The following ZNF317 variants were observed in gnomAD, a reference collection of about 807,000 sequenced individuals.
The protein encoded by ZNF317 is zinc finger protein 317, also known as KRAB-containing zinc finger protein 317.
A neutral mutation model predicts 23.4 loss-of-function variants in ZNF317; 17 were observed. That is an observed-to-expected ratio of 0.73 (90% CI 0.50 to 1.09). ZNF317 has a LOEUF of 1.09. Ranked by LOEUF, ZNF317 falls within the 50% of genes least tolerant of loss-of-function variation. The pLI is 0.00. For synonymous variants in ZNF317, 317 were observed against 314.9 expected, an observed-to-expected ratio of 1.01 and a Z score of -0.07; for missense variants, 679 against 796.7, an observed-to-expected ratio of 0.85 and a Z score of 1.78.
chr19:9,157,005 A>G (rs2050791074), intron 3 of ZNF317: 1 of 642,544 alleles, frequency 1.6e-6, no homozygotes, highest in East Asian at 2.8e-5. Context: ...AATAAAGGGC[A>G]AAGCTCTCGG....
At chr19:9,151,182 C>T (rs2050732923) in intron 1 of ZNF317, among the ~76,000 whole-genome samples, 1 of 152,164 alleles carries the variant, frequency 6.6e-6, no homozygotes, top group Admixed American at 6.5e-5. Context: ...CTCTCCCCTT[C>T]CTCAGCAGTG....
rs1053841649 is a variant in ZNF317, at chr19:9,162,150, T to C, written c.*717T>C. 6.6e-6 allele frequency: 1 copy of C among 152,024 alleles called. No homozygotes were observed. The highest frequency in any genetic ancestry group is 1.5e-5 in the Non-Finnish European group (1 of 68,010). 9.4% of individuals were successfully genotyped at this position (152,024 alleles called of 1,614,324 possible). On this transcript the variant is annotated 3_prime_UTR_variant, in exon 7 of 7. Transcript: ENST00000247956. ...GACGATTTGGCTGTCTAGGCGTCAT[T>C]TGGCAATGTCTAGAGACATTTTTGG...
At chr19:9,158,327 A>T (rs1437936441) in intron 5 of ZNF317, among the ~76,000 whole-genome samples, 1 of 134,744 alleles carries the variant, frequency 7.4e-6, no homozygotes. Flanking sequence ...TTCTGTCATT[A>T]TCAACATCAT....
At chr19:9,154,140 A>G (rs1254668723) in intron 1 of ZNF317, among the ~76,000 whole-genome samples, 1 of 138,992 alleles carries the variant, frequency 7.2e-6, no homozygotes, top group Non-Finnish European at 1.6e-5. Context: ...TCTCTTTGTC[A>G]TAGAAGGAAA....
intron 1 of ZNF317, among the ~76,000 whole-genome samples, chr19:9,147,342 T>TTTGTTTTG (rs1555713181): frequency 2.8e-4 from 30 of 106,146 alleles, no homozygotes; most frequent in African/African-American, 9.9e-4. Context: ...TTTTTTTTTT[T>TTTGTTTTG]TTTTTTTTTT....
intron 1 of ZNF317, among the ~76,000 whole-genome samples, chr19:9,153,394 C>T (rs1276126151): frequency 2.0e-5 from 3 of 152,202 alleles, no homozygotes; most frequent in Admixed American, 1.3e-4. Context: ...AACTCTCGAC[C>T]TCAGGTGATC....
chr19:9,153,043 CTT>C (rs770955236), intron 1 of ZNF317, among the ~76,000 whole-genome samples: 2 of 152,142 alleles, frequency 1.3e-5, no homozygotes, highest in East Asian at 3.8e-4. Flanking sequence ...AAAGAACCAA[CTT>C]TTGTTTTCAT....
In ZNF317 at chr19:9,160,920, G is replaced by A. The variant is rs534702883; in HGVS notation, c.1275G>A (p.Lys425=). The change falls in exon 7 of 7, where the codon AAG becomes AAA. Residue 425 remains lysine, a synonymous_variant. Transcript: ENST00000247956. This position sits in a 1 kb window ranked among gnomAD's most constrained non-coding sequence, Gnocchi z 6.8. ...KKPVECRQCG[K]TFRNQSILKT... ...CCGTGGAATGTCGGCAGTGCGGGAA[G>A]ACCTTCCGAAACCAGTCCATCCTTA... The A allele has an allele frequency of 1.2e-6, 2 of 1,614,174 alleles. No individual in the cohort carries two copies. The highest frequency in any genetic ancestry group is 2.7e-5 in the African/African-American group (2 of 75,054).
In ZNF317 at chr19:9,157,586, G is replaced by A. The variant is rs558993533; in HGVS notation, c.289+192G>A. ...TTGCAGGGACCATGGTGGTTCTCCG[G>A]TGTGTGTCTGAGCTTGGCATGGGCT... On this transcript the variant is annotated intron_variant, in intron 4 of 6. Transcript: ENST00000247956. 21 of 701,438 alleles carry A rather than the reference G, an allele frequency of 3.0e-5. No homozygotes were observed. In the South Asian group the frequency reaches 3.0e-4, roughly 10 times the overall value. 43.5% of individuals were successfully genotyped at this position (701,438 alleles called of 1,614,324 possible). A position where few individuals can be genotyped will look rare whatever the true frequency, so the allele number is the denominator to read the frequency against.
chr19:9,147,979 G>A (rs2050702716), intron 1 of ZNF317, among the ~76,000 whole-genome samples: 1 of 152,074 alleles, frequency 6.6e-6, no homozygotes, highest in East Asian at 1.9e-4. Flanking sequence ...TGGCGGGTGA[G>A]TTCTCCTGAG....
At chr19:9,153,995 C>T (rs926686568) in intron 1 of ZNF317, among the ~76,000 whole-genome samples, 2 of 152,052 alleles carry the variant, frequency 1.3e-5, no homozygotes, top group Non-Finnish European at 2.9e-5. Context: ...AGCATGTGTC[C>T]ATGCATAGGA....
At chr19:9,155,286 A>T (rs1380541398) in intron 1 of ZNF317, among the ~76,000 whole-genome samples, 3 of 151,998 alleles carry the variant, frequency 2.0e-5, no homozygotes, top group African/African-American at 7.2e-5. Flanking sequence ...TTCTCTATGA[A>T]TTTTTAAGTT....
Position 9,162,498 on chromosome 19 carries a change from G to A in ZNF317, c.*1065G>A, listed in dbSNP as rs2050869981. The A allele has an allele frequency of 6.6e-6, 1 of 151,426 alleles. No homozygotes were observed. The highest frequency in any genetic ancestry group is 6.6e-5 in the Admixed American group (1 of 15,186). The allele number at this position is 151,426 out of a possible 1,614,324, so 9.4% of individuals were successfully genotyped here. A position where few individuals can be genotyped will look rare whatever the true frequency, so the allele number is the denominator to read the frequency against. ...CACTTGAGCATGTGAATATTCTCAC[G>A]GAGAGAAGCCCCAGCGAGATTTTCC... is the stretch of plus-strand genomic sequence containing the variant. On this transcript the variant is annotated 3_prime_UTR_variant, in exon 7 of 7. Coordinates refer to ENST00000247956, the MANE Select transcript of ZNF317 (RefSeq NM_020933.5).
rs115662507 is a variant in ZNF317, at chr19:9,154,157, G to T, written c.-92-1768G>T. ...TCTTTGTCATAGAAGGAAAGGAGGA[G>T]GTCATAGATCAGTTGTGAGAAGACT... On this transcript the variant is annotated intron_variant, in intron 1 of 6. Coordinates refer to ENST00000247956, the MANE Select transcript of ZNF317 (RefSeq NM_020933.5). Among the ~76,000 whole-genome samples, 942 of 152,156 alleles carry T rather than the reference G, an allele frequency of 6.2e-3. 11 individuals are homozygous for T. The highest frequency in any genetic ancestry group is 0.022 in the African/African-American group (906 of 41,514).
At chr19:9,144,588 CAT>C (rs879942984) in intron 1 of ZNF317, among the ~76,000 whole-genome samples, 14 of 152,156 alleles carry the variant, frequency 9.2e-5, no homozygotes, top group Non-Finnish European at 1.8e-4. Flanking sequence ...TCTAGATTTG[CAT>C]ATGTTACTCT....
rs1380460518 is a variant in ZNF317, at chr19:9,161,328, T to C, written c.1683T>C (p.Leu561=). 1.2e-6 allele frequency: 2 copies of C among 1,613,916 alleles called. No individual in the cohort carries two copies. The change falls in exon 7 of 7, where the codon CTT becomes CTC. Residue 561 remains leucine (L), a synonymous_variant. Coordinates refer to ENST00000247956, the MANE Select transcript of ZNF317 (RefSeq NM_020933.5). The surrounding 1 kb of genome is among the most constrained non-coding windows in gnomAD (Gnocchi z 4.0). ...CCGGGGAGAAGCCCTACGAATGCCT[T>C]GTCTGCGGGAAAGCCTTCAGCGACC... ...IHTGEKPYEC[L]VCGKAFSDHS... is the part of the protein sequence containing the mutation.
Position 9,160,921 on chromosome 19 carries a change from A to G in ZNF317, c.1276A>G (p.Thr426Ala). Reference sequence around the variant, plus strand: ...CGTGGAATGTCGGCAGTGCGGGAAGACCTTCCGAAACCAGTCCATCCTTAA... The same window carrying G: ...CGTGGAATGTCGGCAGTGCGGGAAGGCCTTCCGAAACCAGTCCATCCTTAA... ...KPVECRQCGK[T>A]FRNQSILKTH... is the part of the protein sequence containing the mutation. Residue 426 changes from threonine (T) to alanine (A), a missense_variant, in exon 7 of 7, where the codon ACC becomes GCC. Physicochemically the swap from Thr to Ala is moderately conservative, Grantham distance 58 (BLOSUM62 0). Transcript: ENST00000247956. The surrounding 1 kb of genome is among the most constrained non-coding windows in gnomAD (Gnocchi z 6.8). 2 of 1,614,124 alleles carry G rather than the reference A, an allele frequency of 1.2e-6. No homozygotes were observed. The highest frequency in any genetic ancestry group is 1.7e-6 in the Non-Finnish European group (2 of 1,180,020).
chr19:9,141,116 G>A (rs995084514), intron 1 of ZNF317, among the ~76,000 whole-genome samples: 8 of 151,958 alleles, frequency 5.3e-5, no homozygotes, highest in Non-Finnish European at 1.2e-4. Flanking sequence ...TTACTATTCA[G>A]TTCAACATTT....
At position 9,156,726 on chromosome 19, in the gene ZNF317, A is replaced by C; in HGVS notation, c.140A>C (p.His47Pro). 1.2e-6 allele frequency: 2 copies of C among 1,613,972 alleles called. No individual in the cohort carries two copies. Among genetic ancestry groups the C allele is most frequent in the South Asian group, 2.2e-5 (2 of 91,060 alleles). The change falls in exon 3 of 7, where the codon CAC becomes CCC. Residue 47 changes from histidine to proline, a missense_variant. Coordinates refer to ENST00000247956, the MANE Select transcript of ZNF317 (RefSeq NM_020933.5). ...TTCGTGTGCAGTGGTCTGGAGCCTCACACACCCAGTGTTGGTTCCCAGGTG... is the reference window on the plus strand; with the variant it reads ...TTCGTGTGCAGTGGTCTGGAGCCTCCCACACCCAGTGTTGGTTCCCAGGTG... ...DLFVCSGLEPHTPSVGSQESV... is the reference protein window; with the variant it reads ...DLFVCSGLEPPTPSVGSQESV...
Sources: allele counts gnomAD v4.1 joint callset (sites outside exome capture counted in the v4.1 genomes callset), GRCh38; gene constraint gnomAD v4.1.1; non-coding constraint Gnocchi (gnomAD v3.1); transcripts MANE v1.5; gene names NCBI Gene and HGNC (gene_info 2026-07-23, HGNC 2026-07-21).